The following GPC5 variants were observed in gnomAD, a reference collection of about 807,000 sequenced individuals.
GPC5 encodes glypican-5.
In GPC5, 47 loss-of-function variants were observed where a neutral mutation model predicts 53.9. The observed-to-expected ratio is 0.87, with a 90% CI of 0.69 to 1.11. The LOEUF (loss-of-function observed/expected upper bound fraction) is 1.11. Among genes scored for constraint, GPC5 ranks in the 50% most tolerant of loss-of-function variants. GPC5 has a pLI of 0.00. For missense variants in GPC5, 748 were observed against 713.1 expected (o/e 1.05, Z -0.56); for synonymous variants, 286 against 263.3 (o/e 1.09, Z -0.84).
chr13:92,398,386 G>T (rs1013115719), intron 7 of GPC5, among the ~76,000 whole-genome samples: 4 of 126,486 alleles, frequency 3.2e-5, no homozygotes, highest in African/African-American at 9.6e-5. Flanking sequence ...CCGAGATCCC[G>T]CCACTGCACT....
intron 6 of GPC5, among the ~76,000 whole-genome samples, chr13:91,987,271 GCTT>G (rs79523824): frequency 1.3e-5 from 2 of 152,210 alleles, no homozygotes; most frequent in East Asian, 3.8e-4. Flanking sequence ...GCCTGCACAT[GCTT>G]CTTCCCTGCC....
In GPC5 at chr13:91,708,878, A is replaced by G. The variant is rs181696210; in HGVS notation, c.1020+14997A>G. ...CATTTAATTTGTTATTCACTATGAC[A>G]TATTAAATATGTTTTTAGAAACATT... On this transcript the variant is annotated intron_variant, in intron 3 of 7. Coordinates refer to ENST00000377067, the MANE Select transcript of GPC5 (RefSeq NM_004466.6). Among the ~76,000 whole-genome samples, 7 of 152,362 alleles carry G rather than the reference A, an allele frequency of 4.6e-5. No individual in the cohort carries two copies. In the East Asian group the frequency reaches 1.3e-3, roughly 29 times the overall value.
At chr13:92,847,243 C>G (rs1409779160) in intron 7 of GPC5, among the ~76,000 whole-genome samples, 1 of 152,116 alleles carries the variant, frequency 6.6e-6, no homozygotes, top group Admixed American at 6.6e-5. Flanking sequence ...CAAAGAGGTT[C>G]TATACTCTTC....
chr13:92,780,280 A>C (rs1340881965), intron 7 of GPC5, among the ~76,000 whole-genome samples: 3 of 151,092 alleles, frequency 2.0e-5, no homozygotes, highest in African/African-American at 7.3e-5. Context: ...ACTTAATATA[A>C]TTAAGTGTAA....
intron 7 of GPC5, among the ~76,000 whole-genome samples, chr13:92,847,259 G>A (rs1878642128): frequency 6.6e-6 from 1 of 152,160 alleles, no homozygotes. Context: ...TCTTCTAAAA[G>A]TTAGAGTGCA....
intron 5 of GPC5, among the ~76,000 whole-genome samples, chr13:91,830,000 G>T (rs544513356): frequency 6.6e-6 from 1 of 152,154 alleles, no homozygotes; most frequent in South Asian, 2.1e-4. Context: ...ATCTTATCAG[G>T]AGACAGGGTT....
intron 6 of GPC5, among the ~76,000 whole-genome samples, chr13:91,938,854 T>C (rs1257154974): frequency 6.6e-6 from 1 of 152,134 alleles, no homozygotes; most frequent in Non-Finnish European, 1.5e-5. Context: ...TTTAAAATTA[T>C]GTGAAATATC....
chr13:92,517,677 T>C (rs1337686412), intron 7 of GPC5, among the ~76,000 whole-genome samples: 2 of 152,178 alleles, frequency 1.3e-5, no homozygotes, highest in African/African-American at 4.8e-5. Flanking sequence ...AAACCCCATC[T>C]GTACGTCACC....
intron 7 of GPC5, among the ~76,000 whole-genome samples, chr13:92,420,191 C>A (rs759695710): frequency 3.9e-5 from 6 of 152,044 alleles, no homozygotes; most frequent in Non-Finnish European, 7.4e-5. Flanking sequence ...GTATTATTTT[C>A]TGCTGAAAAT....
chr13:91,566,169 T>C (rs2031517300), intron 2 of GPC5, among the ~76,000 whole-genome samples: 1 of 152,132 alleles, frequency 6.6e-6, no homozygotes, highest in South Asian at 2.1e-4. Context: ...GGGTCACCAA[T>C]CTACTACAGC....
chr13:92,262,351 A>G (rs1400788321), intron 7 of GPC5, among the ~76,000 whole-genome samples: 1 of 152,194 alleles, frequency 6.6e-6, no homozygotes, highest in African/African-American at 2.4e-5. Flanking sequence ...TTGTGACAAC[A>G]TGGTCTATTT....
chr13:92,717,719 TTC>T (rs1888377750), intron 7 of GPC5, among the ~76,000 whole-genome samples: 2 of 152,212 alleles, frequency 1.3e-5, no homozygotes, highest in Non-Finnish European at 2.9e-5. Flanking sequence ...AATTATCTTT[TTC>T]TCTTTTTCCT....
At chr13:91,772,068 A>T (rs1421847657) in intron 5 of GPC5, among the ~76,000 whole-genome samples, 1 of 152,180 alleles carries the variant, frequency 6.6e-6, no homozygotes, top group Non-Finnish European at 1.5e-5. Flanking sequence ...AACCTTTGTG[A>T]GTGGAACCGA....
intron 6 of GPC5, among the ~76,000 whole-genome samples, chr13:91,939,303 T>G (rs534666652): frequency 4.5e-4 from 68 of 152,254 alleles, no homozygotes; most frequent in Admixed American, 1.2e-3. Flanking sequence ...AAAGGCTGCT[T>G]AAAACAAATT....
intron 7 of GPC5, among the ~76,000 whole-genome samples, chr13:92,501,049 C>T (rs1206764255): frequency 6.6e-6 from 1 of 151,992 alleles, no homozygotes; most frequent in Non-Finnish European, 1.5e-5. Context: ...AAACATAATA[C>T]TCAAAATGTC....
chr13:92,569,975 C>G (rs1882974317), intron 7 of GPC5, among the ~76,000 whole-genome samples: 1 of 152,020 alleles, frequency 6.6e-6, no homozygotes, highest in East Asian at 1.9e-4. Context: ...AATTCTTGTC[C>G]TCGTTTGAGC....
chr13:92,857,534 T>G (rs145379385), intron 7 of GPC5, among the ~76,000 whole-genome samples: 1 of 152,120 alleles, frequency 6.6e-6, no homozygotes, highest in African/African-American at 2.4e-5. Flanking sequence ...AACAGACACC[T>G]TACATAATGG....
chr13:91,604,334 T>G (rs1450801515), intron 2 of GPC5, among the ~76,000 whole-genome samples: 8 of 149,612 alleles, frequency 5.3e-5, no homozygotes, highest in Non-Finnish European at 1.0e-4. Context: ...TGCCACATTT[T>G]CTTAATCCAG....
intron 7 of GPC5, among the ~76,000 whole-genome samples, chr13:92,643,327 C>A (rs574779506): frequency 6.6e-6 from 1 of 152,250 alleles, no homozygotes; most frequent in South Asian, 2.1e-4. Context: ...GGTAATGCCT[C>A]AGGGATCTAG....
Sources: gnomAD v4.1 joint callset for allele counts (sites outside exome capture counted in the v4.1 genomes callset) on GRCh38, gnomAD v4.1.1 for gene constraint, MANE v1.5 for transcripts, NCBI Gene and HGNC (gene_info 2026-07-23, HGNC 2026-07-21) for gene names.